The following ADAM23 variants were observed in gnomAD, a reference collection of about 807,000 sequenced individuals.
The protein encoded by ADAM23 is disintegrin and metalloproteinase domain-containing protein 23.
Under a neutral mutation model 120.1 loss-of-function variants are expected in ADAM23, and 33 were observed. That is an observed-to-expected ratio of 0.27 (90% CI 0.21 to 0.37). The LOEUF (loss-of-function observed/expected upper bound fraction) is 0.37, where lower values mean the gene tolerates loss of function less well. Ranked by LOEUF, ADAM23 falls within the 10% of genes least tolerant of loss-of-function variation. The probability of loss-of-function intolerance (pLI) is 1.00; values close to 1 mark genes in which losing one functional copy is unlikely to be tolerated. For missense variants in ADAM23, 862 were observed against 1,058.2 expected (o/e 0.81, Z 2.57); for synonymous variants, 367 against 375.2 (o/e 0.98, Z 0.25).
At chr2:206,564,613 A>G (rs981596825) in intron 13 of ADAM23, among the ~76,000 whole-genome samples, 4 of 152,362 alleles carry the variant, frequency 2.6e-5, no homozygotes, top group East Asian at 1.9e-4. Flanking sequence ...ATTTAGAGGT[A>G]GAAACACTGA....
intron 2 of ADAM23, among the ~76,000 whole-genome samples, chr2:206,448,956 T>C (rs1170224629): frequency 1.3e-5 from 2 of 152,230 alleles, no homozygotes; most frequent in African/African-American, 4.8e-5. Flanking sequence ...ATAGCTGATC[T>C]GTCAGGAGCA....
chr2:206,505,671 A>G (rs1387947952), intron 3 of ADAM23, among the ~76,000 whole-genome samples: 3 of 152,184 alleles, frequency 2.0e-5, no homozygotes, highest in Non-Finnish European at 4.4e-5. Context: ...ATCCTCCCTC[A>G]TGATCCAGTC....
At chr2:206,613,208 C>T (rs1277946256) in intron 25 of ADAM23, among the ~76,000 whole-genome samples, 2 of 152,008 alleles carry the variant, frequency 1.3e-5, no homozygotes, top group African/African-American at 2.4e-5. Context: ...TACAGGCATG[C>T]GCCACCACGC....
chr2:206,568,782 A>G (rs1232643859), intron 15 of ADAM23, among the ~76,000 whole-genome samples: 1 of 152,244 alleles, frequency 6.6e-6, no homozygotes, highest in African/African-American at 2.4e-5. Context: ...ATACTTTGCA[A>G]ACTGAGAGAG....
chr2:206,479,623 T>C (rs1422761086), intron 2 of ADAM23, among the ~76,000 whole-genome samples: 1 of 152,184 alleles, frequency 6.6e-6, no homozygotes, highest in Admixed American at 6.6e-5. Context: ...GATATTTGTA[T>C]TGAATAGAGG....
At chr2:206,549,188 C>T (rs1022950214) in intron 8 of ADAM23, among the ~76,000 whole-genome samples, 2 of 151,394 alleles carry the variant, frequency 1.3e-5, no homozygotes, top group Admixed American at 1.3e-4. Context: ...AAATAGACCA[C>T]CAGCCATCAA....
chr2:206,490,387 G>T (rs1451805612), intron 3 of ADAM23, among the ~76,000 whole-genome samples: 2 of 152,186 alleles, frequency 1.3e-5, no homozygotes, highest in Non-Finnish European at 2.9e-5. Flanking sequence ...GAGACATTCA[G>T]CATTAAGTGC....
At chr2:206,523,061 T>C (rs752091316) in intron 3 of ADAM23, among the ~76,000 whole-genome samples, 23 of 152,310 alleles carry the variant, frequency 1.5e-4, no homozygotes, top group Admixed American at 3.9e-4. Context: ...GCTTTTAGGC[T>C]GATCAAGCCA....
Position 206,519,203 on chromosome 2 carries a change from G to A in ADAM23, c.510-11682G>A, listed in dbSNP as rs200675896. ...TATGACAGCACAGTGAAAAAGGGCC[G>A]GTTAGCACGCTCATAAACAACACTG... On this transcript the variant is annotated intron_variant, in intron 3 of 25. Coordinates refer to ENST00000264377, the MANE Select transcript of ADAM23 (RefSeq NM_003812.4). 3.9e-4 allele frequency among the ~76,000 whole-genome samples: 59 copies of A among 152,196 alleles called. 2 individuals carry two copies. The East Asian group carries it at 0.01, about 26-fold the overall frequency.
At chr2:206,592,016 C>T (rs1432233611) in intron 21 of ADAM23, among the ~76,000 whole-genome samples, 3 of 152,136 alleles carry the variant, frequency 2.0e-5, no homozygotes, top group Non-Finnish European at 2.9e-5. Flanking sequence ...AACAGATAGA[C>T]TGGAGGTAGA....
chr2:206,492,580 T>C (rs1279887932), intron 3 of ADAM23, among the ~76,000 whole-genome samples: 2 of 152,148 alleles, frequency 1.3e-5, no homozygotes, highest in Non-Finnish European at 2.9e-5. Flanking sequence ...AGCCTTGATA[T>C]CTGGTGAGGG....
chr2:206,612,610 T>G (rs748052362), intron 25 of ADAM23, among the ~76,000 whole-genome samples: 22 of 152,158 alleles, frequency 1.4e-4, no homozygotes, highest in Non-Finnish European at 2.8e-4. Context: ...TAATGTCACA[T>G]TTCTTTAGGT....
chr2:206,445,278 C>G (rs781756211), intron 1 of ADAM23, 29 bp from the exon 2 acceptor site: 2 of 1,542,280 alleles, frequency 1.3e-6, no homozygotes, highest in Non-Finnish European at 1.8e-6. Flanking sequence ...TTTGTATTTT[C>G]TGCTCCCCCA....
At chr2:206,460,545 T>G (rs1695394683) in intron 2 of ADAM23, among the ~76,000 whole-genome samples, 1 of 152,242 alleles carries the variant, frequency 6.6e-6, no homozygotes, top group African/African-American at 2.4e-5. Context: ...GAAGTATCTT[T>G]CAATTCTTCG....
chr2:206,538,205 TAATTA>T (rs1697219958), intron 4 of ADAM23, among the ~76,000 whole-genome samples: 1 of 152,168 alleles, frequency 6.6e-6, no homozygotes, highest in South Asian at 2.1e-4. Flanking sequence ...TGAAGGTAAA[TAATTA>T]AATTATTTAA....
At chr2:206,551,715 G>A (rs1697529297) in intron 9 of ADAM23, among the ~76,000 whole-genome samples, 1 of 152,152 alleles carries the variant, frequency 6.6e-6, no homozygotes, top group Non-Finnish European at 1.5e-5. Flanking sequence ...TAAAAAAATA[G>A]TGACTTAATT....
At chr2:206,461,440 A>G (rs1451424812) in intron 2 of ADAM23, among the ~76,000 whole-genome samples, 1 of 152,184 alleles carries the variant, frequency 6.6e-6, no homozygotes, top group Non-Finnish European at 1.5e-5. Flanking sequence ...TATGAGTAGA[A>G]TAATTGACTG....
chr2:206,591,012 T>A (rs1698415579), intron 21 of ADAM23, among the ~76,000 whole-genome samples: 1 of 152,140 alleles, frequency 6.6e-6, no homozygotes, highest in Admixed American at 6.5e-5. Flanking sequence ...TTAAGGGAAA[T>A]TAATGTGTTT....
At chr2:206,599,880 G>A (rs760404881) in intron 24 of ADAM23, among the ~76,000 whole-genome samples, 11 of 152,192 alleles carry the variant, frequency 7.2e-5, no homozygotes, top group Non-Finnish European at 1.2e-4. Context: ...GCTCAGCAGT[G>A]TGTGAGACAC....
Sources: allele counts gnomAD v4.1 joint callset (sites outside exome capture counted in the v4.1 genomes callset), GRCh38; gene constraint gnomAD v4.1.1; transcripts MANE v1.5; gene names NCBI Gene and HGNC (gene_info 2026-07-23, HGNC 2026-07-21).